KCNMB2: variants seen among roughly 807,000 people sequenced by gnomAD.
KCNMB2 encodes potassium calcium-activated channel subfamily M regulatory beta subunit 2.
In KCNMB2, 9 loss-of-function variants were observed where a neutral mutation model predicts 24.5. That is an observed-to-expected ratio of 0.37 (90% CI 0.22 to 0.64). The LOEUF (loss-of-function observed/expected upper bound fraction) is 0.64. Among genes scored for constraint, KCNMB2 ranks in the 30% least tolerant of loss-of-function variants. KCNMB2 has a pLI of 0.63. For synonymous variants in KCNMB2, 109 were observed against 104.4 expected (o/e 1.04, Z -0.27); for missense variants, 226 against 284.3 (o/e 0.79, Z 1.47).
chr3:178,574,823 T>G (rs1036662397), intron 1 of KCNMB2, among the ~76,000 whole-genome samples: 2 of 152,168 alleles, frequency 1.3e-5, no homozygotes, highest in African/African-American at 4.8e-5. Context: ...ATTCCAGCAC[T>G]TTGGGATGCT....
intron 1 of KCNMB2, among the ~76,000 whole-genome samples, chr3:178,553,588 G>A (rs1716028765): frequency 6.6e-6 from 1 of 150,610 alleles, no homozygotes; most frequent in Non-Finnish European, 1.5e-5. Context: ...CTGGAGTGCA[G>A]TGGCACCACC....
intron 1 of KCNMB2, among the ~76,000 whole-genome samples, chr3:178,580,824 C>T (rs1462424210): frequency 3.9e-5 from 6 of 152,070 alleles, no homozygotes; most frequent in Admixed American, 3.9e-4. Context: ...TGTGAAGGAC[C>T]TCTTCAAGGA....
At chr3:178,748,178 CA>C (rs1397316957) in intron 1 of KCNMB2, 3 of 152,158 alleles carry the variant, frequency 2.0e-5, no homozygotes, top group Non-Finnish European at 4.4e-5. Context: ...AACCATCACT[CA>C]AAGTGACTAT....
chr3:178,815,087 C>A (rs1183455626), intron 2 of KCNMB2, among the ~76,000 whole-genome samples: 1 of 152,076 alleles, frequency 6.6e-6, no homozygotes, highest in African/African-American at 2.4e-5. Flanking sequence ...AGGCAATTGA[C>A]TATTGCATAT....
chr3:178,617,053 A>G (rs1718731153), intron 1 of KCNMB2, among the ~76,000 whole-genome samples: 1 of 152,060 alleles, frequency 6.6e-6, no homozygotes, highest in African/African-American at 2.4e-5. Flanking sequence ...TTTTTTTCCT[A>G]GATTTTAGTG....
chr3:178,733,957 T>C (rs1274489900), intron 1 of KCNMB2, among the ~76,000 whole-genome samples: 3 of 152,162 alleles, frequency 2.0e-5, no homozygotes, highest in Non-Finnish European at 4.4e-5. Flanking sequence ...GAATTCTAGG[T>C]GTATTTTAAA....
chr3:178,551,057 A>G (rs1461938521), intron 1 of KCNMB2, among the ~76,000 whole-genome samples: 1 of 152,208 alleles, frequency 6.6e-6, no homozygotes, highest in Non-Finnish European at 1.5e-5. Context: ...ATCAGGTTGC[A>G]ATGACATTAA....
chr3:178,549,303 T>A (rs914711480), intron 1 of KCNMB2, among the ~76,000 whole-genome samples: 12 of 150,148 alleles, frequency 8.0e-5, no homozygotes, highest in African/African-American at 2.9e-4. Context: ...CTTTTTCTTT[T>A]ATTTTCTTTT....
intron 1 of KCNMB2, among the ~76,000 whole-genome samples, chr3:178,599,742 C>T (rs78184100): frequency 0.014 from 2,115 of 152,210 alleles, 37 homozygotes; most frequent in Non-Finnish European, 0.019. Flanking sequence ...AACTTCATAC[C>T]CATGAAACAC....
At chr3:178,696,006 T>C (rs1721860708) in intron 1 of KCNMB2, among the ~76,000 whole-genome samples, 1 of 152,212 alleles carries the variant, frequency 6.6e-6, no homozygotes, top group African/African-American at 2.4e-5. Flanking sequence ...CTGGGTCATT[T>C]ATAAGATAAG....
intron 1 of KCNMB2, among the ~76,000 whole-genome samples, chr3:178,790,048 T>C (rs1251696912): frequency 2.6e-5 from 4 of 151,596 alleles, no homozygotes; most frequent in Non-Finnish European, 4.4e-5. Context: ...GAACTTTGTC[T>C]TGGAACTTGG....
intron 1 of KCNMB2, among the ~76,000 whole-genome samples, chr3:178,708,338 GC>G (rs1381463635): frequency 6.6e-6 from 1 of 152,106 alleles, no homozygotes; most frequent in Non-Finnish European, 1.5e-5. Flanking sequence ...ATGGAAGCCA[GC>G]TTTCATGGAG....
chr3:178,640,513 G>A (rs965842907), intron 1 of KCNMB2, among the ~76,000 whole-genome samples: 3 of 152,108 alleles, frequency 2.0e-5, no homozygotes, highest in African/African-American at 7.2e-5. Flanking sequence ...CCAACACTGG[G>A]TATTACAATT....
intron 1 of KCNMB2, among the ~76,000 whole-genome samples, chr3:178,541,531 A>G (rs1715618167): frequency 6.6e-6 from 1 of 152,224 alleles, no homozygotes; most frequent in Non-Finnish European, 1.5e-5. Context: ...ATGGTCTGTT[A>G]AACAGTGACC....
intron 4 of KCNMB2, among the ~76,000 whole-genome samples, chr3:178,839,146 A>G (rs892017252): frequency 2.6e-5 from 4 of 151,200 alleles, no homozygotes; most frequent in African/African-American, 9.8e-5. Context: ...AAACCCAAAC[A>G]TCTCCCAGAA....
At chr3:178,625,859 C>T (rs533252511) in intron 1 of KCNMB2, among the ~76,000 whole-genome samples, 3 of 152,332 alleles carry the variant, frequency 2.0e-5, no homozygotes, top group African/African-American at 7.2e-5. Context: ...CTTCCAAATG[C>T]ATCAATGGCA....
intron 1 of KCNMB2, among the ~76,000 whole-genome samples, chr3:178,583,186 C>T (rs1243750936): frequency 6.6e-6 from 1 of 151,972 alleles, no homozygotes; most frequent in East Asian, 1.9e-4. Flanking sequence ...TTTGTTAATA[C>T]GTATTAAGAT....
chr3:178,757,184 C>CGA (rs1724092430), intron 1 of KCNMB2: 1 of 109,064 alleles, frequency 9.2e-6, no homozygotes. Context: ...AGAAGTAAAA[C>CGA]CAAAAAAAAA....
intron 1 of KCNMB2, among the ~76,000 whole-genome samples, chr3:178,617,687 A>G (rs1315511804): frequency 6.6e-6 from 1 of 152,044 alleles, no homozygotes; most frequent in African/African-American, 2.4e-5. Context: ...CAGGAGATCA[A>G]GATCATCCTG....
Sources: gnomAD v4.1 joint callset for allele counts (sites outside exome capture counted in the v4.1 genomes callset) on GRCh38, gnomAD v4.1.1 for gene constraint, MANE v1.5 for transcripts, NCBI Gene and HGNC (gene_info 2026-07-23, HGNC 2026-07-21) for gene names.